PTPRN2: variants seen among roughly 807,000 people sequenced by gnomAD.
PTPRN2 encodes the protein receptor-type tyrosine-protein phosphatase N2.
Under a neutral mutation model 118.8 loss-of-function variants are expected in PTPRN2, and 74 were observed. The observed-to-expected ratio is 0.62, with a 90% CI of 0.52 to 0.76. PTPRN2 has a LOEUF of 0.76. Among genes scored for constraint, PTPRN2 ranks in the 30% least tolerant of loss-of-function variants. The pLI is 0.00. For missense variants in PTPRN2, 1,481 were observed against 1,394.4 expected (o/e 1.06, Z -0.99); for synonymous variants, 641 against 608.0 (o/e 1.05, Z -0.80).
intron 2 of PTPRN2, among the ~76,000 whole-genome samples, chr7:158,464,574 A>G (rs1819251622): frequency 6.6e-6 from 1 of 150,628 alleles, no homozygotes; most frequent in Non-Finnish European, 1.5e-5. Flanking sequence ...TAATCACTTC[A>G]TCATCACCGT....
chr7:157,669,810 G>A (rs1796321685), intron 13 of PTPRN2, among the ~76,000 whole-genome samples: 4 of 152,070 alleles, frequency 2.6e-5, no homozygotes. Flanking sequence ...TCCCTGCGGC[G>A]CCCAGAGCAC....
At position 158,491,282 on chromosome 7, in the gene PTPRN2, G is replaced by A. The variant is rs567355273; in HGVS notation, c.113-1497C>T. On this transcript the variant is annotated intron_variant, in intron 1 of 22. Coordinates refer to ENST00000389418, the MANE Select transcript of PTPRN2 (RefSeq NM_002847.5). ...CAGTTGCAGGGCGGCCCCTGGCTGG[G>A]ATCTGCTTCCTCCCAGGAGGTGGCC... 9.3e-4 allele frequency among the ~76,000 whole-genome samples: 142 copies of A among 152,258 alleles called. 1 individual carries two copies. The highest frequency in any genetic ancestry group is 1.6e-4 in the Non-Finnish European group (11 of 68,006).
intron 2 of PTPRN2, among the ~76,000 whole-genome samples, chr7:158,355,216 C>T (rs1251776330): frequency 6.6e-6 from 1 of 152,168 alleles, no homozygotes; most frequent in East Asian, 1.9e-4. Flanking sequence ...GAATGGGGCA[C>T]TAAGAGGGCA....
chr7:157,607,265 G>A (rs1024993066), intron 15 of PTPRN2, among the ~76,000 whole-genome samples: 1 of 152,228 alleles, frequency 6.6e-6, no homozygotes, highest in African/African-American at 2.4e-5. Flanking sequence ...GTTTCACAGT[G>A]GGGCCACACA....
At chr7:157,851,058 G>A (rs777627422) in intron 12 of PTPRN2, among the ~76,000 whole-genome samples, 7 of 152,172 alleles carry the variant, frequency 4.6e-5, no homozygotes, top group Non-Finnish European at 7.3e-5. Context: ...GAGCCTGCTG[G>A]GCCTTCTGTC....
chr7:157,877,271 C>A (rs1235196896), intron 12 of PTPRN2, among the ~76,000 whole-genome samples: 1 of 151,150 alleles, frequency 6.6e-6, no homozygotes, highest in Admixed American at 6.6e-5. Flanking sequence ...CCTCGGGGAC[C>A]CCAGATCTGA....
At chr7:158,219,918 A>T (rs373319543) in intron 3 of PTPRN2, among the ~76,000 whole-genome samples, 2 of 151,998 alleles carry the variant, frequency 1.3e-5, no homozygotes, top group African/African-American at 4.8e-5. Flanking sequence ...CCGGAACCAG[A>T]CAAATTCACA....
chr7:157,985,427 G>A (rs764931345), intron 11 of PTPRN2, among the ~76,000 whole-genome samples: 26 of 152,262 alleles, frequency 1.7e-4, no homozygotes, highest in African/African-American at 5.8e-4. Context: ...GAAAACAGCC[G>A]TCAGACAGTC....
At chr7:158,319,388 A>C (rs369324175) in intron 2 of PTPRN2, among the ~76,000 whole-genome samples, 1 of 131,464 alleles carries the variant, frequency 7.6e-6, no homozygotes, top group Non-Finnish European at 1.6e-5. Context: ...GCACACACAC[A>C]CACAGCCTCC....
chr7:158,244,735 TGTG>T (rs2150867461), intron 3 of PTPRN2, among the ~76,000 whole-genome samples: 1 of 151,880 alleles, frequency 6.6e-6, no homozygotes, highest in African/African-American at 2.4e-5. Context: ...AAAGTGTGTG[TGTG>T]TGTGAGTTGT....
intron 12 of PTPRN2, among the ~76,000 whole-genome samples, chr7:157,752,875 C>A (rs1801563938): frequency 6.6e-6 from 1 of 152,276 alleles, no homozygotes; most frequent in Non-Finnish European, 1.5e-5. Context: ...ACCCTCGCAG[C>A]AGCCACGCCG....
At position 158,141,378 on chromosome 7, in the gene PTPRN2, G is replaced by A. The variant is rs111588772; in HGVS notation, c.911-2863C>T. Among the ~76,000 whole-genome samples, 14 of 152,258 alleles carry A rather than the reference G, an allele frequency of 9.2e-5. No individual in the cohort carries two copies. The East Asian group carries it at 1.5e-3, about 17-fold the overall frequency. ...GCACGTCCCGTCCTCTCTCCACAGC[G>A]CAGGCTGTGTCTAGTCCATGCCGAG... On this transcript the variant is annotated intron_variant, in intron 6 of 22. Coordinates refer to ENST00000389418, the MANE Select transcript of PTPRN2 (RefSeq NM_002847.5).
At chr7:158,074,805 G>T (rs1812219778) in intron 11 of PTPRN2, among the ~76,000 whole-genome samples, 1 of 152,214 alleles carries the variant, frequency 6.6e-6, no homozygotes, top group Non-Finnish European at 1.5e-5. Context: ...CTGCCAGCAG[G>T]ATCAGCATTG....
intron 11 of PTPRN2, among the ~76,000 whole-genome samples, chr7:158,071,456 T>TGCTCGTGGTG (rs1585337803): frequency 1.6e-3 from 33 of 20,164 alleles, no homozygotes; most frequent in Admixed American, 4.7e-3. Context: ...TGCTCGTGGT[T>TGCTCGTGGTG]GAGGTGCTCG....
At chr7:158,417,454 C>T (rs902648779) in intron 2 of PTPRN2, among the ~76,000 whole-genome samples, 4 of 150,354 alleles carry the variant, frequency 2.7e-5, no homozygotes, top group Non-Finnish European at 5.9e-5. Flanking sequence ...TTCAGTGTCC[C>T]GCTGTGTTGT....
At chr7:158,241,973 G>C (rs1260277979) in intron 3 of PTPRN2, among the ~76,000 whole-genome samples, 1 of 152,164 alleles carries the variant, frequency 6.6e-6, no homozygotes, top group South Asian at 2.1e-4. Context: ...AAACCGAGGG[G>C]TCCTTATCTT....
At chr7:157,589,563 C>G (rs1383345354) in intron 17 of PTPRN2, among the ~76,000 whole-genome samples, 4 of 152,216 alleles carry the variant, frequency 2.6e-5, no homozygotes, top group Non-Finnish European at 1.5e-5. Flanking sequence ...TGATATTCAG[C>G]CTCCTCCCTA....
chr7:157,719,187 T>G (rs1220806317), intron 12 of PTPRN2, among the ~76,000 whole-genome samples: 1 of 152,240 alleles, frequency 6.6e-6, no homozygotes. Flanking sequence ...TCGTCCAGGC[T>G]GGCCCTGGGC....
At chr7:158,079,338 T>C (rs1812619484) in intron 11 of PTPRN2, among the ~76,000 whole-genome samples, 1 of 152,190 alleles carries the variant, frequency 6.6e-6, no homozygotes, top group African/African-American at 2.4e-5. Context: ...TAGAAAGTTG[T>C]CAATATGAGA....
Sources: allele counts gnomAD v4.1 joint callset (sites outside exome capture counted in the v4.1 genomes callset), GRCh38; gene constraint gnomAD v4.1.1; transcripts MANE v1.5; gene names NCBI Gene and HGNC (gene_info 2026-07-23, HGNC 2026-07-21).